Variants in RAB27B observed in about 807,000 individuals in gnomAD.
RAB27B encodes the protein RAB27B, member RAS oncogene family, also known as ras-related protein Rab-27B.
RAB27B carries 15 observed loss-of-function variants against 24.6 expected under a neutral mutation model. The observed-to-expected ratio is 0.61, with a 90% CI of 0.41 to 0.94. The LOEUF (loss-of-function observed/expected upper bound fraction) is 0.94, where lower values mean the gene tolerates loss of function less well. RAB27B is among the 40% of genes least tolerant of loss of function. The pLI is 0.00. For missense variants in RAB27B, 261 were observed against 266.8 expected (o/e 0.98, Z 0.15); for synonymous variants, 105 against 92.5 (o/e 1.14, Z -0.78).
chr18:54,730,102 A>G (rs1279758204), intron 2 of RAB27B, among the ~76,000 whole-genome samples: 2 of 152,208 alleles, frequency 1.3e-5, no homozygotes, highest in Non-Finnish European at 2.9e-5. Context: ...ACAAATTTAT[A>G]TATTCATAAT....
At chr18:54,841,641 C>G (rs557919914) in intron 1 of RAB27B, among the ~76,000 whole-genome samples, 1 of 152,018 alleles carries the variant, frequency 6.6e-6, no homozygotes, top group Admixed American at 6.6e-5. Flanking sequence ...ATTTTCTAAG[C>G]CAAATTTAGC....
chr18:54,861,226 GTAA>G (rs1911995966), intron 1 of RAB27B, among the ~76,000 whole-genome samples: 1 of 152,140 alleles, frequency 6.6e-6, no homozygotes. Flanking sequence ...CAATTTGCAA[GTAA>G]TAGGCCAATG....
At chr18:54,839,505 G>A (rs554445276) in intron 1 of RAB27B, among the ~76,000 whole-genome samples, 1 of 152,276 alleles carries the variant, frequency 6.6e-6, no homozygotes, top group South Asian at 2.1e-4. Context: ...ATCAGGCCAA[G>A]GAATGGTTTC....
At chr18:54,735,016 G>A (rs1446710305) in intron 2 of RAB27B, among the ~76,000 whole-genome samples, 3 of 152,142 alleles carry the variant, frequency 2.0e-5, no homozygotes, top group African/African-American at 4.8e-5. Context: ...GAGAAATTAT[G>A]TGTATCTAGA....
At chr18:54,771,590 TAGTG>T (rs1278270854) in intron 2 of RAB27B, among the ~76,000 whole-genome samples, 120 of 110,080 alleles carry the variant, frequency 1.1e-3, no homozygotes, top group African/African-American at 4.1e-3. Context: ...GCTGATAGTT[TAGTG>T]TGTGTGTGTG....
chr18:54,883,211 G>T (rs545328801), intron 3 of RAB27B, among the ~76,000 whole-genome samples: 1 of 152,084 alleles, frequency 6.6e-6, no homozygotes, highest in Non-Finnish European at 1.5e-5. Flanking sequence ...AAGTAATTAG[G>T]CATCTAATGT....
chr18:54,845,275 C>A (rs1911284951), intron 1 of RAB27B, among the ~76,000 whole-genome samples: 1 of 151,878 alleles, frequency 6.6e-6, no homozygotes. Context: ...GGTGTGGTGG[C>A]TAATGCCTGT....
chr18:54,774,379 C>T (rs1908651024), intron 2 of RAB27B, among the ~76,000 whole-genome samples: 1 of 152,152 alleles, frequency 6.6e-6, no homozygotes, highest in African/African-American at 2.4e-5. Flanking sequence ...AAAGAAGGTA[C>T]TATTATTTTT....
chr18:54,822,260 A>G (rs1910334743), intron 2 of RAB27B, among the ~76,000 whole-genome samples: 1 of 152,186 alleles, frequency 6.6e-6, no homozygotes, highest in African/African-American at 2.4e-5. Context: ...TATATTAATC[A>G]ATGTTAGTTT....
chr18:54,884,685 A>T (rs1300644860), intron 4 of RAB27B, among the ~76,000 whole-genome samples: 1 of 152,190 alleles, frequency 6.6e-6, no homozygotes, highest in Non-Finnish European at 1.5e-5. Context: ...ATGTAGCTTT[A>T]TCACCACTTG....
At chr18:54,829,892 C>T (rs906089079) in intron 1 of RAB27B, among the ~76,000 whole-genome samples, 1 of 152,162 alleles carries the variant, frequency 6.6e-6, no homozygotes, top group Non-Finnish European at 1.5e-5. Flanking sequence ...TCCTTGAAGG[C>T]AAGAGGTGAT....
At chr18:54,730,447 T>C (rs1909692365) in intron 2 of RAB27B, among the ~76,000 whole-genome samples, 1 of 152,286 alleles carries the variant, frequency 6.6e-6, no homozygotes, top group Admixed American at 6.5e-5. Context: ...GCTATAGTTA[T>C]TAGCGTGCTG....
chr18:54,749,125 C>T (rs1358118147), intron 2 of RAB27B, among the ~76,000 whole-genome samples: 2 of 152,118 alleles, frequency 1.3e-5, no homozygotes, highest in Non-Finnish European at 2.9e-5. Flanking sequence ...TGGTGTGATC[C>T]TTCCTGGTTA....
chr18:54,730,916 G>A (rs1386946243), intron 2 of RAB27B, among the ~76,000 whole-genome samples: 2 of 152,094 alleles, frequency 1.3e-5, no homozygotes, highest in Non-Finnish European at 2.9e-5. Flanking sequence ...CATTGTTACT[G>A]TTTTTCTCTC....
chr18:54,851,025 T>C (rs1458774956), intron 1 of RAB27B, among the ~76,000 whole-genome samples: 1 of 152,108 alleles, frequency 6.6e-6, no homozygotes, highest in Middle Eastern at 3.2e-3. Context: ...TTTTGAAGAT[T>C]CAATTAACTA....
chr18:54,834,686 T>TGA (rs1910823234), intron 1 of RAB27B, among the ~76,000 whole-genome samples: 1 of 151,834 alleles, frequency 6.6e-6, no homozygotes, highest in Non-Finnish European at 1.5e-5. Flanking sequence ...TATATATGTG[T>TGA]GTGTGTGTGT....
intron 2 of RAB27B, among the ~76,000 whole-genome samples, chr18:54,777,077 A>G (rs1410215793): frequency 6.6e-6 from 1 of 152,164 alleles, no homozygotes; most frequent in Admixed American, 6.5e-5. Flanking sequence ...AAATCTGACC[A>G]CAATAACATA....
chr18:54,773,047 A>G (rs1299614996), intron 2 of RAB27B, among the ~76,000 whole-genome samples: 1 of 149,732 alleles, frequency 6.7e-6, no homozygotes, highest in Non-Finnish European at 1.5e-5. Flanking sequence ...TGCCATGCCT[A>G]TACTTCTTTT....
chr18:54,868,102 A>C (rs551327679), intron 1 of RAB27B, among the ~76,000 whole-genome samples: 1 of 152,140 alleles, frequency 6.6e-6, no homozygotes. Flanking sequence ...GAGTGTGTTC[A>C]TACAAGATTA....
Sources: allele counts gnomAD v4.1 joint callset (sites outside exome capture counted in the v4.1 genomes callset), GRCh38; gene constraint gnomAD v4.1.1; transcripts MANE v1.5; gene names NCBI Gene and HGNC (gene_info 2026-07-23, HGNC 2026-07-21).